AKAP6: variants seen among roughly 807,000 people sequenced by gnomAD.
The protein encoded by AKAP6 is A-kinase anchor protein 6.
In AKAP6, 58 loss-of-function variants were observed where a neutral mutation model predicts 188.5. That is an observed-to-expected ratio of 0.31 (90% CI 0.25 to 0.38). AKAP6 has a LOEUF of 0.38. AKAP6 is among the 10% of genes least tolerant of loss of function. AKAP6 has a pLI of 1.00. For missense variants in AKAP6, 2,710 were observed against 2,740.0 expected (o/e 0.99, Z 0.24); for synonymous variants, 989 against 998.6 (o/e 0.99, Z 0.18).
intron 2 of AKAP6, among the ~76,000 whole-genome samples, chr14:32,485,274 T>A (rs151181922): frequency 6.0e-5 from 9 of 151,212 alleles, no homozygotes; most frequent in Non-Finnish European, 1.2e-4. Flanking sequence ...AATAAACATA[T>A]GTATGCATGT....
intron 8 of AKAP6, among the ~76,000 whole-genome samples, chr14:32,694,787 G>A (rs1259673497): frequency 6.6e-6 from 1 of 151,960 alleles, no homozygotes; most frequent in African/African-American, 2.4e-5. Context: ...TAAATTATAA[G>A]TTATTAAAAG....
intron 5 of AKAP6, among the ~76,000 whole-genome samples, chr14:32,584,804 G>T (rs1484881562): frequency 6.6e-6 from 1 of 152,026 alleles, no homozygotes; most frequent in African/African-American, 2.4e-5. Context: ...ATGTTATGTT[G>T]TTTCATGTAT....
intron 1 of AKAP6, among the ~76,000 whole-genome samples, chr14:32,372,308 C>T (rs1483561396): frequency 1.3e-5 from 2 of 151,474 alleles, no homozygotes; most frequent in African/African-American, 4.9e-5. Flanking sequence ...GCTTCTGTGA[C>T]TCTTTGTAAA....
At chr14:32,591,711 A>G (rs1885495647) in intron 5 of AKAP6, among the ~76,000 whole-genome samples, 2 of 151,348 alleles carry the variant, frequency 1.3e-5, no homozygotes, top group African/African-American at 4.9e-5. Context: ...TTGATCAAAA[A>G]CTTGGAACAT....
intron 1 of AKAP6, among the ~76,000 whole-genome samples, chr14:32,332,146 G>A (rs918729613): frequency 5.3e-5 from 8 of 151,700 alleles, no homozygotes; most frequent in Admixed American, 4.6e-4. Context: ...TTAGCCAGGC[G>A]AATAAACTTG....
At chr14:32,346,841 A>G (rs1333322171) in intron 1 of AKAP6, among the ~76,000 whole-genome samples, 1 of 152,238 alleles carries the variant, frequency 6.6e-6, no homozygotes, top group African/African-American at 2.4e-5. Flanking sequence ...CAATTTGGTT[A>G]CACTCAGATT....
chr14:32,645,969 G>C (rs1364104201), intron 7 of AKAP6, among the ~76,000 whole-genome samples: 2 of 152,074 alleles, frequency 1.3e-5, no homozygotes, highest in Non-Finnish European at 2.9e-5. Context: ...AACAAGATTG[G>C]TTTCAAGGGC....
At chr14:32,412,318 A>G (rs1183662344) in intron 1 of AKAP6, among the ~76,000 whole-genome samples, 1 of 152,240 alleles carries the variant, frequency 6.6e-6, no homozygotes, top group African/African-American at 2.4e-5. Context: ...CCTGCTATGC[A>G]GAAGAGTCTG....
In AKAP6 at chr14:32,822,177, GAGA is replaced by G. The variant is rs2034542839; in HGVS notation, c.4369_4371del (p.Glu1457del). The G allele has an allele frequency of 1.2e-6, 2 of 1,613,784 alleles. No individual in the cohort carries two copies. Among genetic ancestry groups the G allele is most frequent in the Non-Finnish European group, 1.7e-6 (2 of 1,179,862 alleles). On this transcript the variant is annotated inframe_deletion, in exon 13 of 14. Coordinates refer to ENST00000280979, the MANE Select transcript of AKAP6 (RefSeq NM_004274.5). ...ACCAAACATACCCCTGACTGTTTGG[GAGA>G]AGAATTACAAGGAAAACATGATGTG...
chr14:32,523,903 G>A (rs1459717163), intron 2 of AKAP6, among the ~76,000 whole-genome samples: 1 of 152,030 alleles, frequency 6.6e-6, no homozygotes, highest in African/African-American at 2.4e-5. Flanking sequence ...AAGTAAAGAG[G>A]ACAGAATAAC....
At chr14:32,420,909 T>TTTTG (rs1555327187) in intron 1 of AKAP6, among the ~76,000 whole-genome samples, 32 of 146,518 alleles carry the variant, frequency 2.2e-4, no homozygotes, top group African/African-American at 6.3e-4. Flanking sequence ...GGAGATTGAT[T>TTTTG]TGTGTGTGTG....
intron 12 of AKAP6, among the ~76,000 whole-genome samples, chr14:32,783,065 C>T (rs914023239): frequency 2.0e-5 from 3 of 152,026 alleles, no homozygotes; most frequent in Non-Finnish European, 4.4e-5. Context: ...TCAACAAATA[C>T]ATCAATGGAA....
chr14:32,567,395 C>G (rs1884246291), intron 4 of AKAP6, among the ~76,000 whole-genome samples: 3 of 152,128 alleles, frequency 2.0e-5, no homozygotes, highest in Admixed American at 1.3e-4. Flanking sequence ...TGTTTTCTGT[C>G]TTCTTGGCTC....
intron 12 of AKAP6, among the ~76,000 whole-genome samples, chr14:32,791,516 T>C (rs1162563103): frequency 6.6e-6 from 1 of 152,186 alleles, no homozygotes; most frequent in Admixed American, 6.5e-5. Flanking sequence ...TTCTGGGTAT[T>C]AGCCCTATTA....
intron 8 of AKAP6, among the ~76,000 whole-genome samples, chr14:32,694,294 G>A (rs1890305000): frequency 1.3e-5 from 2 of 151,412 alleles, no homozygotes; most frequent in South Asian, 4.2e-4. Flanking sequence ...CCGGGAGGCG[G>A]AGCTTGCAGT....
At position 32,545,576 on chromosome 14, in the gene AKAP6, A is replaced by T; in HGVS notation, c.923A>T (p.Glu308Val). 6.2e-7 allele frequency: 1 copy of T among 1,614,198 alleles called. No individual in the cohort carries two copies. The highest frequency in any genetic ancestry group is 8.5e-7 in the Non-Finnish European group (1 of 1,180,024). Residue 308 changes from glutamate to valine, a missense_variant, in exon 4 of 14, where the codon GAG becomes GTG. Transcript: ENST00000280979. ...TCAGTAGACGACAAAGGTGGATGTG[A>T]GGAAGACAATGCTTCTGCAGTCGAA... ...SLSVDDKGGCEEDNASAVEEQ... is the reference protein window; with the variant it reads ...SLSVDDKGGCVEDNASAVEEQ...
chr14:32,572,923 G>T (rs1308014180), intron 4 of AKAP6, among the ~76,000 whole-genome samples: 3 of 152,124 alleles, frequency 2.0e-5, no homozygotes, highest in African/African-American at 7.2e-5. Flanking sequence ...TTGATGACCA[G>T]GATTTCTCCT....
At chr14:32,515,522 CTT>C (rs1279077836) in intron 2 of AKAP6, among the ~76,000 whole-genome samples, 1 of 152,082 alleles carries the variant, frequency 6.6e-6, no homozygotes, top group Non-Finnish European at 1.5e-5. Flanking sequence ...CTTGGGCTGT[CTT>C]ATGGGTGGAG....
chr14:32,592,395 A>G (rs1231880611), intron 5 of AKAP6, among the ~76,000 whole-genome samples: 1 of 152,208 alleles, frequency 6.6e-6, no homozygotes, highest in Non-Finnish European at 1.5e-5. Flanking sequence ...GAAGATGGTT[A>G]GGGAGAGCTT....
Sources: allele counts gnomAD v4.1 joint callset (sites outside exome capture counted in the v4.1 genomes callset), GRCh38; gene constraint gnomAD v4.1.1; transcripts MANE v1.5; gene names NCBI Gene and HGNC (gene_info 2026-07-23, HGNC 2026-07-21).